The following ANKRD17 variants were observed in gnomAD, a reference collection of about 807,000 sequenced individuals.
ANKRD17 encodes the protein ankyrin repeat domain 17, also known as ankyrin repeat domain-containing protein 17.
A neutral mutation model predicts 229.7 loss-of-function variants in ANKRD17; 19 were observed. That is an observed-to-expected ratio of 0.08 (90% CI 0.06 to 0.12). The LOEUF (loss-of-function observed/expected upper bound fraction) is 0.12, where lower values mean the gene tolerates loss of function less well. Among genes scored for constraint, ANKRD17 ranks in the 10% least tolerant of loss-of-function variants. The pLI is 1.00. For synonymous variants in ANKRD17, 1,112 were observed against 1,146.1 expected (o/e 0.97, Z 0.60); for missense variants, 2,176 against 3,176.8 (o/e 0.68, Z 7.57).
chr4:73,249,256 G>T (rs971878225), intron 1 of ANKRD17, among the ~76,000 whole-genome samples: 1 of 152,036 alleles, frequency 6.6e-6, no homozygotes, highest in Non-Finnish European at 1.5e-5. Context: ...CTTCACTTTC[G>T]TATTTTTCTT....
chr4:73,151,278 G>A (rs1730975134), intron 7 of ANKRD17, 152 bp downstream of exon 7: 1 of 626,658 alleles, frequency 1.6e-6, no homozygotes, highest in Admixed American at 3.7e-5. Context: ...GCTTCAGAAA[G>A]TAACTTTAAT....
intron 1 of ANKRD17, among the ~76,000 whole-genome samples, chr4:73,189,781 G>A (rs56261590): frequency 0.32 from 47,834 of 151,840 alleles, 9,307 homozygotes; most frequent in South Asian, 0.45. Context: ...AAATTATCTT[G>A]TTCTTGGATA....
intron 1 of ANKRD17, among the ~76,000 whole-genome samples, chr4:73,222,075 G>A (rs1021319943): frequency 6.6e-6 from 1 of 152,040 alleles, no homozygotes; most frequent in Non-Finnish European, 1.5e-5. Context: ...AACAGTCTAA[G>A]TATTAGGAAT....
chr4:73,078,361 A>G (rs1297545694), intron 31 of ANKRD17, among the ~76,000 whole-genome samples: 1 of 151,098 alleles, frequency 6.6e-6, no homozygotes, highest in Non-Finnish European at 1.5e-5. Flanking sequence ...TGGGTTACAG[A>G]GCGAGACTCC....
intron 8 of ANKRD17, 78 bp downstream of exon 8, chr4:73,148,735 T>TTAG: frequency 7.6e-7 from 1 of 1,318,152 alleles, no homozygotes; most frequent in Non-Finnish European, 1.1e-6. Flanking sequence ...AAAGGTGAAA[T>TTAG]ACTAAAATCC....
At chr4:73,171,989 G>A (rs1734099427) in intron 2 of ANKRD17, among the ~76,000 whole-genome samples, 1 of 152,084 alleles carries the variant, frequency 6.6e-6, no homozygotes, top group African/African-American at 2.4e-5. Flanking sequence ...AAAGTGATAG[G>A]GGTAGAAAGT....
chr4:73,094,511 G>A (rs1277966146), intron 27 of ANKRD17, among the ~76,000 whole-genome samples: 2 of 151,994 alleles, frequency 1.3e-5, no homozygotes, highest in African/African-American at 4.8e-5. Flanking sequence ...ATGTAGACAC[G>A]TGCTGTGCTA....
intron 24 of ANKRD17, among the ~76,000 whole-genome samples, chr4:73,109,062 G>A (rs973763956): frequency 6.6e-6 from 1 of 152,204 alleles, no homozygotes; most frequent in Non-Finnish European, 1.5e-5. Context: ...CACTTTGGGA[G>A]GCCAAGGCGG....
Position 73,147,326 on chromosome 4 carries a change from G to C in ANKRD17, c.1674C>G (p.Ala558=). 1.2e-6 allele frequency: 2 copies of C among 1,609,442 alleles called. No homozygotes were observed. Among genetic ancestry groups the C allele is most frequent in the Non-Finnish European group, 1.7e-6 (2 of 1,177,408 alleles). ...EVADFLIKAG[A]DIELGCSTPL... The stretch of plus-strand genomic sequence containing the variant: ...GGGTAGAACACCCTAGTTCTATATC[G>C]GCTCCTGCCTTAATTAGAAAGTCTG... Residue 558 remains alanine (A), a synonymous_variant, in exon 9 of 34, where the codon GCC becomes GCG. Transcript: ENST00000358602.
intron 24 of ANKRD17, among the ~76,000 whole-genome samples, chr4:73,103,827 GGTT>G (rs1288036578): frequency 1.3e-5 from 2 of 148,804 alleles, no homozygotes; most frequent in Non-Finnish European, 3.0e-5. Flanking sequence ...AACCCTCTCC[GGTT>G]TTTTTTTTTT....
intron 14 of ANKRD17, among the ~76,000 whole-genome samples, chr4:73,141,041 T>C (rs1211839209): frequency 6.6e-6 from 1 of 152,210 alleles, no homozygotes; most frequent in Admixed American, 6.5e-5. Context: ...TCTAGGTTGA[T>C]AGTAGTGACT....
rs1225915754 is a variant in ANKRD17, at chr4:73,135,215, C to G, written c.3136G>C (p.Ala1046Pro). 2.6e-5 allele frequency: 42 copies of G among 1,613,826 alleles called. No individual in the cohort carries two copies. Among genetic ancestry groups the G allele is most frequent in the Non-Finnish European group, 3.3e-5 (39 of 1,179,824 alleles). The change falls in exon 16 of 34, where the codon GCT (alanine) becomes CCT (proline). Residue 1046 changes from alanine to proline, a missense_variant. Around this residue, in one of 18 missense-constraint regions of ANKRD17, gnomAD observed 230 missense variants for 252.3 expected, o/e 0.91. Coordinates refer to ENST00000358602, the MANE Select transcript of ANKRD17 (RefSeq NM_032217.5). The stretch of plus-strand genomic sequence containing the variant: ...GTCTGAGGTTGGGAAATGGATGCAG[C>G]AATACTGTGGGTAGGAGTGTTTGAC... Reference protein sequence around the residue: ...AMSNTPTHSIAASISQPQTPT... With the variant: ...AMSNTPTHSIPASISQPQTPT...
chr4:73,106,609 G>T (rs906510280), intron 24 of ANKRD17, among the ~76,000 whole-genome samples: 1 of 152,132 alleles, frequency 6.6e-6, no homozygotes, highest in East Asian at 1.9e-4. Flanking sequence ...GGCTGGGCAC[G>T]GTGGCTCACG....
At chr4:73,118,648 T>TA (rs1198642348) in intron 22 of ANKRD17, 40 bp downstream of exon 22, 23 of 1,609,138 alleles carry the variant, frequency 1.4e-5, no homozygotes, top group Non-Finnish European at 2.0e-5. Flanking sequence ...CTAGTGTAAG[T>TA]AAAAAAACAT....
intron 1 of ANKRD17, among the ~76,000 whole-genome samples, chr4:73,226,394 T>A (rs1244589163): frequency 7.4e-6 from 1 of 135,680 alleles, no homozygotes; most frequent in African/African-American, 2.7e-5. Flanking sequence ...CTTCTGTTTT[T>A]TTTTTTTTTT....
chr4:73,163,183 T>C (rs1732768741), intron 2 of ANKRD17, among the ~76,000 whole-genome samples: 1 of 152,112 alleles, frequency 6.6e-6, no homozygotes, highest in Non-Finnish European at 1.5e-5. Context: ...AATATATAGA[T>C]GCTGAGGTTT....
intron 29 of ANKRD17, among the ~76,000 whole-genome samples, chr4:73,090,137 C>G (rs1438655126): frequency 6.6e-6 from 1 of 152,164 alleles, no homozygotes; most frequent in Non-Finnish European, 1.5e-5. Flanking sequence ...AGGCCAGGAA[C>G]TGTGGCTCAC....
At chr4:73,088,887 A>G (rs994562183) in intron 29 of ANKRD17, among the ~76,000 whole-genome samples, 1 of 152,168 alleles carries the variant, frequency 6.6e-6, no homozygotes, top group African/African-American at 2.4e-5. Context: ...TGCAGGTCAC[A>G]TGGTCTCTGT....
At chr4:73,213,394 T>C (rs1031744733) in intron 1 of ANKRD17, among the ~76,000 whole-genome samples, 1 of 152,080 alleles carries the variant, frequency 6.6e-6, no homozygotes, top group Admixed American at 6.5e-5. Flanking sequence ...AAAGAAATCA[T>C]GATTAAGTAG....
Sources: gnomAD v4.1 joint callset for allele counts (sites outside exome capture counted in the v4.1 genomes callset) on GRCh38, gnomAD v4.1.1 for gene constraint, gnomAD v4.1.1 regional missense constraint, MANE v1.5 for transcripts, NCBI Gene and HGNC (gene_info 2026-07-23, HGNC 2026-07-21) for gene names.